Variants in EVL observed in about 807,000 individuals in gnomAD.
EVL encodes the protein ena/VASP-like protein.
EVL carries 21 observed loss-of-function variants against 59.6 expected under a neutral mutation model. That is an observed-to-expected ratio of 0.35 (90% CI 0.25 to 0.51). The LOEUF is 0.51. Ranked by LOEUF, EVL falls within the 20% of genes least tolerant of loss-of-function variation. EVL has a pLI of 0.97. For missense variants in EVL, 462 were observed against 546.6 expected (o/e 0.85, Z 1.54); for synonymous variants, 198 against 203.5 (o/e 0.97, Z 0.23).
At chr14:100,004,926 C>A (rs529903196) in intron 1 of EVL, among the ~76,000 whole-genome samples, 42 of 152,246 alleles carry the variant, frequency 2.8e-4, no homozygotes, top group Non-Finnish European at 4.9e-4. Flanking sequence ...AATGAAATAT[C>A]TGTTATTTAA....
chr14:100,076,607 G>A (rs764820265), intron 1 of EVL, among the ~76,000 whole-genome samples: 1 of 152,230 alleles, frequency 6.6e-6, no homozygotes, highest in African/African-American at 2.4e-5. Context: ...TCTAAAAGAG[G>A]TAACAGATAT....
At chr14:100,003,798 A>G (rs551065626) in intron 1 of EVL, among the ~76,000 whole-genome samples, 1 of 152,370 alleles carries the variant, frequency 6.6e-6, no homozygotes, top group Admixed American at 6.5e-5. Flanking sequence ...ATGGCATAGG[A>G]ATTATTTTGA....
Position 99,972,159 on chromosome 14 carries a change from G to A in EVL, c.5+102G>A, listed in dbSNP as rs2060738091. The stretch of plus-strand genomic sequence containing the variant: ...CCCGAGGGCGGGAGGGGGGCTCCAC[G>A]GGCGCGGGGGCTTCCAGAGAACCGC... On this transcript the variant is annotated intron_variant, in intron 1 of 13. Transcript: ENST00000402714. This position sits in a 1 kb window ranked among gnomAD's most constrained non-coding sequence, Gnocchi z 4.4. 1 of 251,158 alleles carries A rather than the reference G, an allele frequency of 4.0e-6. No individual in the cohort carries two copies. Among genetic ancestry groups the A allele is most frequent in the African/African-American group, 2.3e-5 (1 of 43,858 alleles). The allele number at this position is 251,158 out of a possible 1,614,324, so 15.6% of individuals were successfully genotyped here. A position where few individuals can be genotyped will look rare whatever the true frequency, so the allele number is the denominator to read the frequency against.
chr14:100,083,664 A>G lies in EVL; in HGVS notation c.12-1023A>G, dbSNP rs80144720. ...CTGCTTCTCTGTCATACTTTGAACA[A>G]ATGAGGTTGCTTTACTACGTAAATG... On this transcript the variant is annotated intron_variant, in intron 1 of 13. Transcript: ENST00000392920. Among the ~76,000 whole-genome samples the G allele has an allele frequency of 3.5e-3, 536 of 152,238 alleles. 1 individual carries two copies. Among genetic ancestry groups the G allele is most frequent in the African/African-American group, 0.013 (524 of 41,542 alleles).
chr14:100,106,416 C>T (rs927824550), intron 3 of EVL: 1 of 157,932 alleles, frequency 6.3e-6, no homozygotes, highest in African/African-American at 2.4e-5. Flanking sequence ...TTTCAGTCAT[C>T]CATAGACCTC....
chr14:100,064,449 C>T (rs1261702611), upstream of EVL, among the ~76,000 whole-genome samples: 1 of 152,188 alleles, frequency 6.6e-6, no homozygotes. Context: ...AGTATAACCC[C>T]ATTTTACAGT....
chr14:100,111,148 A>ATTTTTTTTTTTTTT (rs35367426), intron 3 of EVL, among the ~76,000 whole-genome samples: 5 of 86,798 alleles, frequency 5.8e-5, no homozygotes, highest in Admixed American at 1.5e-4. Context: ...TAGTGTCCTC[A>ATTTTTTTTTTTTTT]TTTTTTTTTT....
chr14:100,083,936 T>G (rs2062373521), intron 1 of EVL, among the ~76,000 whole-genome samples: 1 of 152,194 alleles, frequency 6.6e-6, no homozygotes, highest in South Asian at 2.1e-4. Context: ...TATACATCTT[T>G]GCAAGTCTCT....
intron 1 of EVL, among the ~76,000 whole-genome samples, chr14:100,047,902 C>T (rs2140243103): frequency 6.6e-6 from 1 of 152,302 alleles, no homozygotes; most frequent in East Asian, 1.9e-4. Context: ...GGTACTGGAA[C>T]AATTGGACAC....
chr14:100,135,670 A>G (rs891605471), intron 8 of EVL: 3 of 496,736 alleles, frequency 6.0e-6, no homozygotes, highest in Middle Eastern at 4.7e-4. Context: ...CACCCTGCTG[A>G]GAGCCTGTAG....
chr14:100,032,550 G>A (rs2061330031), intron 1 of EVL, among the ~76,000 whole-genome samples: 1 of 152,170 alleles, frequency 6.6e-6, no homozygotes, highest in African/African-American at 2.4e-5. Flanking sequence ...GTTTTCTACA[G>A]GTGGAGCCCT....
In EVL at chr14:99,972,299, C is replaced by G. The variant is rs534970865; in HGVS notation, c.5+242C>G. Among the ~76,000 whole-genome samples the G allele has an allele frequency of 6.6e-6, 1 of 152,122 alleles. No homozygotes were observed. Among genetic ancestry groups the G allele is most frequent in the Non-Finnish European group, 1.5e-5 (1 of 68,004 alleles). On this transcript the variant is annotated intron_variant, in intron 1 of 13. Coordinates refer to the EVL transcript ENST00000402714. The surrounding 1 kb of genome is among the most constrained non-coding windows in gnomAD (Gnocchi z 4.4). ...AGGGCTTGTGGGGGGCAGTGTTCTG[C>G]AAGGGGCAGGCGGCGCTGGCTTTGG...
intron 1 of EVL, among the ~76,000 whole-genome samples, chr14:100,030,752 A>G (rs2061301783): frequency 6.6e-6 from 1 of 152,214 alleles, no homozygotes; most frequent in Non-Finnish European, 1.5e-5. Flanking sequence ...GCAGTTGACA[A>G]ACTGGGACTA....
At chr14:100,000,340 C>CTTTTTTTTTT (rs60864913) in intron 1 of EVL, among the ~76,000 whole-genome samples, 5 of 99,848 alleles carry the variant, frequency 5.0e-5, no homozygotes, top group Non-Finnish European at 7.8e-5. Context: ...CTGTTGCATT[C>CTTTTTTTTTT]TTTTTTTTTT....
chr14:100,078,069 C>T (rs1031547349), intron 1 of EVL, among the ~76,000 whole-genome samples: 3 of 152,158 alleles, frequency 2.0e-5, no homozygotes, highest in Non-Finnish European at 4.4e-5. Flanking sequence ...CCACTGCGCC[C>T]GGCCATGCAT....
At chr14:100,046,578 G>A (rs2061549253) in intron 1 of EVL, among the ~76,000 whole-genome samples, 1 of 151,832 alleles carries the variant, frequency 6.6e-6, no homozygotes, top group Non-Finnish European at 1.5e-5. Flanking sequence ...GAGGTGGGAG[G>A]GTTGCTTGAG....
chr14:100,134,296 C>T (rs556526889), intron 8 of EVL, among the ~76,000 whole-genome samples: 36 of 152,270 alleles, frequency 2.4e-4, no homozygotes, highest in Non-Finnish European at 4.4e-4. Flanking sequence ...TAGTCAGGTG[C>T]CAGTATGTTG....
intron 3 of EVL, among the ~76,000 whole-genome samples, chr14:100,118,919 C>T (rs1352180602): frequency 6.6e-6 from 1 of 152,254 alleles, no homozygotes; most frequent in Non-Finnish European, 1.5e-5. Flanking sequence ...AAGTCAGCTC[C>T]TTCCCAAGAA....
chr14:99,972,098 A>C lies in EVL; in HGVS notation c.5+41A>C. 5 of 294,482 alleles carry C rather than the reference A, an allele frequency of 1.7e-5. No individual in the cohort carries two copies. Among genetic ancestry groups the C allele is most frequent in the East Asian group, 1.0e-4 (2 of 19,196 alleles). 18.2% of individuals were successfully genotyped at this position (294,482 alleles called of 1,614,324 possible). A position where few individuals can be genotyped will look rare whatever the true frequency, so the allele number is the denominator to read the frequency against. On this transcript the variant is annotated intron_variant, in intron 1 of 13. Coordinates refer to the EVL transcript ENST00000402714. The surrounding 1 kb of genome is among the most constrained non-coding windows in gnomAD (Gnocchi z 4.4). The stretch of plus-strand genomic sequence containing the variant: ...CGCCTCGTGGGAGGTGGCAGCGGCC[A>C]GCGTCGGAGGGGCTGGGCTGGGGGC...
Sources: allele counts gnomAD v4.1 joint callset (sites outside exome capture counted in the v4.1 genomes callset), GRCh38; gene constraint gnomAD v4.1.1; non-coding constraint Gnocchi (gnomAD v3.1); transcripts MANE v1.5; gene names NCBI Gene and HGNC (gene_info 2026-07-23, HGNC 2026-07-21).